The following SASH1 variants were observed in gnomAD, a reference collection of about 807,000 sequenced individuals.
SASH1 encodes SAM and SH3 domain containing 1.
In SASH1, 44 loss-of-function variants were observed where a neutral mutation model predicts 125.2. The ratio of observed to expected loss-of-function variants is 0.35; its 90% CI spans 0.28 to 0.45. The LOEUF (loss-of-function observed/expected upper bound fraction) is 0.45, where lower values mean the gene tolerates loss of function less well. Ranked by LOEUF, SASH1 falls within the 20% of genes least tolerant of loss-of-function variation. The pLI, the probability that SASH1 is intolerant of heterozygous loss-of-function variation, is 1.00. For synonymous variants in SASH1, 639 were observed against 649.1 expected (o/e 0.98, Z 0.24); for missense variants, 1,426 against 1,614.5 (o/e 0.88, Z 2.00).
the SASH1 span, among the ~76,000 whole-genome samples, chr6:148,248,919 A>G: frequency 6.6e-6 from 1 of 152,160 alleles, no homozygotes; most frequent in African/African-American, 2.4e-5. Context: ...TTTTTTTTGT[A>G]TTCTGTCCTT....
chr6:148,489,052 A>G (rs1778992289), intron 8 of SASH1, among the ~76,000 whole-genome samples: 1 of 152,176 alleles, frequency 6.6e-6, no homozygotes, highest in Non-Finnish European at 1.5e-5. Context: ...CAAATCTAAT[A>G]TCATGAAGAT....
At chr6:148,346,487 C>CAAAA (rs71688552) in intron 1 of SASH1, among the ~76,000 whole-genome samples, 7,081 of 139,202 alleles carry the variant, frequency 0.051, 193 homozygotes, top group South Asian at 0.072. Context: ...AACAAGCTTG[C>CAAAA]AAAAAAAAAA....
intron 1 of SASH1, among the ~76,000 whole-genome samples, chr6:148,384,963 T>C (rs1783301550): frequency 6.6e-6 from 1 of 152,172 alleles, no homozygotes; most frequent in African/African-American, 2.4e-5. Context: ...AGGTAGTTGG[T>C]TGGTTTCATT....
chr6:148,253,187 TACA>T, the SASH1 span, among the ~76,000 whole-genome samples: 1 of 152,196 alleles, frequency 6.6e-6, no homozygotes. Flanking sequence ...CAAAACTTAC[TACA>T]ACGCTACAAT....
At chr6:148,247,481 TAGTGGAC>T in the SASH1 span, among the ~76,000 whole-genome samples, 1 of 152,296 alleles carries the variant, frequency 6.6e-6, no homozygotes, top group East Asian at 1.9e-4. Flanking sequence ...GCACCTCCTC[TAGTGGAC>T]AGTGAGCACC....
chr6:148,324,956 T>A (rs1239499694), intron 1 of SASH1, among the ~76,000 whole-genome samples: 1 of 152,160 alleles, frequency 6.6e-6, no homozygotes, highest in Non-Finnish European at 1.5e-5. Flanking sequence ...TCTGCTTCCA[T>A]CTGTGCCAGC....
At chr6:148,421,205 GAAAGAAAGAAAA>G (rs1785082292) in intron 2 of SASH1, among the ~76,000 whole-genome samples, 1 of 138,934 alleles carries the variant, frequency 7.2e-6, no homozygotes, top group Non-Finnish European at 1.6e-5. Flanking sequence ...AAGAAAGAAA[GAAAGAAAGAAAA>G]AGAAAGAAAG....
chr6:148,379,693 T>TTA (rs2114779429), intron 1 of SASH1, among the ~76,000 whole-genome samples: 1 of 152,320 alleles, frequency 6.6e-6, no homozygotes, highest in East Asian at 1.9e-4. Flanking sequence ...TGCAATAATG[T>TTA]TAGATATTGA....
At chr6:148,303,108 A>G (rs909792917) in intron 1 of SASH1, among the ~76,000 whole-genome samples, 2 of 151,866 alleles carry the variant, frequency 1.3e-5, no homozygotes, top group African/African-American at 4.8e-5. Flanking sequence ...AGCCTCCTGA[A>G]TAGCTGGGAT....
At chr6:148,493,649 C>T (rs1779200898) in intron 8 of SASH1, among the ~76,000 whole-genome samples, 1 of 152,186 alleles carries the variant, frequency 6.6e-6, no homozygotes. Context: ...CCACCCCAAT[C>T]GCTGAAATTA....
the SASH1 span, among the ~76,000 whole-genome samples, chr6:148,239,508 C>A: frequency 2.0e-5 from 3 of 152,198 alleles, no homozygotes; most frequent in Non-Finnish European, 2.9e-5. Flanking sequence ...TTCTCAAAAT[C>A]TGGACTCCTT....
intron 1 of SASH1, among the ~76,000 whole-genome samples, chr6:148,317,424 A>T (rs1005890564): frequency 3.3e-5 from 5 of 151,986 alleles, no homozygotes; most frequent in Admixed American, 6.6e-5. Flanking sequence ...GAGGAAAAAA[A>T]TTTTTTTTGT....
chr6:148,358,733 G>GTTTTTTTTTTTT (rs10673654), intron 1 of SASH1, among the ~76,000 whole-genome samples: 3 of 120,922 alleles, frequency 2.5e-5, no homozygotes, highest in Non-Finnish European at 3.3e-5. Flanking sequence ...CCATGTTTTT[G>GTTTTTTTTTTTT]TTTTTTTTTT....
chr6:148,446,473 GA>G (rs1331061126), intron 4 of SASH1, among the ~76,000 whole-genome samples: 1 of 152,044 alleles, frequency 6.6e-6, no homozygotes, highest in Non-Finnish European at 1.5e-5. Flanking sequence ...TATTTTCTAT[GA>G]AAAGTTTAAC....
intron 1 of SASH1, among the ~76,000 whole-genome samples, chr6:148,388,776 C>CGTAGTGTTA (rs1340321707): frequency 4.6e-5 from 7 of 152,202 alleles, no homozygotes; most frequent in Non-Finnish European, 1.0e-4. Flanking sequence ...AAGCCTGCTT[C>CGTAGTGTTA]GCAGTGTTAG....
chr6:148,508,814 AGGGGGGT>A, intron 8 of SASH1: 1 of 654,164 alleles, frequency 1.5e-6, no homozygotes. Context: ...CCGAGTGGGG[AGGGGGGT>A]GGGAGGTACA....
the SASH1 span, among the ~76,000 whole-genome samples, chr6:148,196,969 G>A: frequency 6.6e-6 from 1 of 152,206 alleles, no homozygotes; most frequent in African/African-American, 2.4e-5. Context: ...GGATACTGCT[G>A]AGTGATTGAA....
chr6:148,220,873 C>T, the SASH1 span, among the ~76,000 whole-genome samples: 1 of 152,192 alleles, frequency 6.6e-6, no homozygotes, highest in African/African-American at 2.4e-5. Flanking sequence ...GAGGTCGTGC[C>T]ACTGCACTCC....
At chr6:148,268,700 A>G (rs554954037), upstream of SASH1, among the ~76,000 whole-genome samples, 2 of 152,236 alleles carry the variant, frequency 1.3e-5, no homozygotes, top group South Asian at 4.1e-4. Context: ...TCTCCTTTCT[A>G]TTTCTTGCAC....
Sources: allele counts gnomAD v4.1 joint callset (sites outside exome capture counted in the v4.1 genomes callset), GRCh38; gene constraint gnomAD v4.1.1; transcripts MANE v1.5; gene names NCBI Gene and HGNC (gene_info 2026-07-23, HGNC 2026-07-21).